Variants in ITPR1 observed in about 807,000 individuals in gnomAD.
ITPR1 encodes inositol 1,4,5-trisphosphate receptor type 1.
A neutral mutation model predicts 318.4 loss-of-function variants in ITPR1; 96 were observed. That is an observed-to-expected ratio of 0.30 (90% CI 0.26 to 0.36). The LOEUF is 0.36. Among genes scored for constraint, ITPR1 ranks in the 10% least tolerant of loss-of-function variants. ITPR1 has a pLI of 1.00. For missense variants in ITPR1, 2,440 were observed against 3,460.2 expected (o/e 0.71, Z 7.40); for synonymous variants, 1,312 against 1,289.9 (o/e 1.02, Z -0.37).
chr3:4,681,926 G>A (rs766370460), intron 26 of ITPR1, among the ~76,000 whole-genome samples: 13 of 151,610 alleles, frequency 8.6e-5, no homozygotes, highest in African/African-American at 1.2e-4. Flanking sequence ...AAAAAAAACC[G>A]CACTGGTCAA....
In ITPR1 at chr3:4,683,558, C is replaced by T. The variant is rs2094337934; in HGVS notation, c.3327+7C>T. 6 of 1,613,720 alleles carry T rather than the reference C, an allele frequency of 3.7e-6. No individual in the cohort carries two copies. The highest frequency in any genetic ancestry group is 2.7e-5 in the African/African-American group (2 of 75,062). On this transcript the variant is annotated splice_region_variant and intron_variant, in intron 27 of 61. Transcript: ENST00000649015. ...GCTCCAGGCCTTCAAACAGGTAGCT[C>T]AGGTCACCCACGTGTGTGTTGTCTG...
At chr3:4,681,512 T>A in intron 26 of ITPR1, 94 bp downstream of exon 26, 1 of 884,256 alleles carries the variant, frequency 1.1e-6, no homozygotes, top group South Asian at 1.4e-5. Flanking sequence ...ATATTTAGTC[T>A]CTGGGCTTAG....
chr3:4,681,446 TA>T, intron 26 of ITPR1, 28 bp downstream of exon 26: 1 of 1,513,192 alleles, frequency 6.6e-7, no homozygotes, highest in Non-Finnish European at 9.2e-7. Flanking sequence ...TACTGTTTTG[TA>T]GGGAAGGCTG....
intron 2 of ITPR1, among the ~76,000 whole-genome samples, chr3:4,512,561 G>C (rs2081914505): frequency 6.6e-6 from 1 of 152,140 alleles, no homozygotes; most frequent in East Asian, 1.9e-4. Flanking sequence ...GGTCATATAG[G>C]AGTTCATTTG....
intron 33 of ITPR1, among the ~76,000 whole-genome samples, chr3:4,694,216 T>A (rs2094522470): frequency 6.6e-6 from 1 of 151,552 alleles, no homozygotes; most frequent in Non-Finnish European, 1.5e-5. Flanking sequence ...AGTTTTGAAG[T>A]TAATCCTTCC....
At chr3:4,527,107 G>C (rs966463614) in intron 4 of ITPR1, among the ~76,000 whole-genome samples, 2 of 152,154 alleles carry the variant, frequency 1.3e-5, no homozygotes, top group African/African-American at 2.4e-5. Flanking sequence ...TTATGAGCTG[G>C]TCCAGTGCCA....
intron 44 of ITPR1, among the ~76,000 whole-genome samples, chr3:4,745,681 T>C (rs915314755): frequency 1.3e-5 from 2 of 152,182 alleles, no homozygotes; most frequent in African/African-American, 2.4e-5. Flanking sequence ...AGCAGCCATT[T>C]ATGCCAACAC....
chr3:4,717,273 C>T (rs1214699198), intron 39 of ITPR1, 94 bp from the exon 40 acceptor site: 7 of 1,077,670 alleles, frequency 6.5e-6, no homozygotes, highest in South Asian at 1.3e-5. Flanking sequence ...TAAGGAGAAA[C>T]GTCAGCAATA....
intron 4 of ITPR1, among the ~76,000 whole-genome samples, chr3:4,569,339 A>T (rs1294434159): frequency 6.6e-6 from 1 of 152,256 alleles, no homozygotes; most frequent in Admixed American, 6.5e-5. Context: ...GATTTTTAAA[A>T]CATTTTAAAA....
At chr3:4,785,905 T>C (rs995534887) in intron 51 of ITPR1, among the ~76,000 whole-genome samples, 2 of 152,240 alleles carry the variant, frequency 1.3e-5, no homozygotes, top group Admixed American at 6.5e-5. Flanking sequence ...TCTCAAATCC[T>C]GCCCTTGGCC....
At chr3:4,783,490 C>T (rs569957923) in intron 50 of ITPR1, among the ~76,000 whole-genome samples, 15 of 152,208 alleles carry the variant, frequency 9.9e-5, no homozygotes, top group Non-Finnish European at 2.1e-4. Flanking sequence ...ATGACCACAT[C>T]TGCCACCGAG....
intron 5 of ITPR1, among the ~76,000 whole-genome samples, chr3:4,635,625 A>T (rs182867924): frequency 6.6e-6 from 1 of 152,130 alleles, no homozygotes; most frequent in East Asian, 1.9e-4. Context: ...GATTACAGGC[A>T]TGAGCCACTG....
At chr3:4,574,773 G>A (rs2125042271) in intron 4 of ITPR1, among the ~76,000 whole-genome samples, 1 of 152,344 alleles carries the variant, frequency 6.6e-6, no homozygotes, top group East Asian at 1.9e-4. Context: ...TCATGGGATT[G>A]GAACATCAAT....
At chr3:4,548,012 A>T (rs996250005) in intron 4 of ITPR1, among the ~76,000 whole-genome samples, 1 of 152,152 alleles carries the variant, frequency 6.6e-6, no homozygotes, top group Non-Finnish European at 1.5e-5. Context: ...CTTATTTCTC[A>T]TGTTGAATTT....
At chr3:4,584,408 A>C (rs1270282052) in intron 4 of ITPR1, among the ~76,000 whole-genome samples, 1 of 152,174 alleles carries the variant, frequency 6.6e-6, no homozygotes, top group African/African-American at 2.4e-5. Flanking sequence ...TCTTAGCCTA[A>C]AAACGAAGTT....
chr3:4,495,355 C>T (rs574707064), intron 2 of ITPR1, among the ~76,000 whole-genome samples: 14 of 152,126 alleles, frequency 9.2e-5, no homozygotes, highest in Non-Finnish European at 1.6e-4. Flanking sequence ...TAGCTGTTCC[C>T]TGGGCTACAA....
intron 53 of ITPR1, among the ~76,000 whole-genome samples, chr3:4,798,002 G>T (rs1180510401): frequency 2.0e-5 from 3 of 152,080 alleles, no homozygotes; most frequent in African/African-American, 7.2e-5. Flanking sequence ...TTGATTTTTT[G>T]GAATCTAGCA....
chr3:4,691,377 T>G, intron 32 of ITPR1, 33 bp downstream of exon 32: 1 of 1,429,882 alleles, frequency 7.0e-7, no homozygotes, highest in Non-Finnish European at 9.8e-7. Flanking sequence ...TACCTCCATC[T>G]GGTGTTCTGT....
intron 4 of ITPR1, among the ~76,000 whole-genome samples, chr3:4,543,742 C>T (rs1280856372): frequency 3.3e-5 from 5 of 152,128 alleles, no homozygotes; most frequent in African/African-American, 9.7e-5. Context: ...CATGCCTGGC[C>T]GTATTTAAGT....
Sources: gnomAD v4.1 joint callset for allele counts (sites outside exome capture counted in the v4.1 genomes callset) on GRCh38, gnomAD v4.1.1 for gene constraint, MANE v1.5 for transcripts, NCBI Gene and HGNC (gene_info 2026-07-23, HGNC 2026-07-21) for gene names.